NALF1: variants seen among roughly 807,000 people sequenced by gnomAD.
NALF1 encodes family with sequence similarity 155 member A.
A neutral mutation model predicts 48.4 loss-of-function variants in NALF1; 3 were observed. The ratio of observed to expected loss-of-function variants is 0.06; its 90% CI spans 0.03 to 0.16. NALF1 has a LOEUF of 0.16. NALF1 is among the 10% of genes least tolerant of loss of function. The pLI is 1.00. For missense variants in NALF1, 526 were observed against 571.5 expected, an observed-to-expected ratio of 0.92 and a Z score of 0.81; for synonymous variants, 262 against 245.7, an observed-to-expected ratio of 1.07 and a Z score of -0.62.
chr13:107,841,733 T>A (rs551430669), intron 1 of NALF1, among the ~76,000 whole-genome samples: 124 of 152,218 alleles, frequency 8.1e-4, no homozygotes, highest in African/African-American at 2.8e-3. Context: ...AGACTGTTTT[T>A]TACACTGCCG....
chr13:107,617,755 C>A (rs1026118858), intron 1 of NALF1, among the ~76,000 whole-genome samples: 2 of 152,116 alleles, frequency 1.3e-5, no homozygotes, highest in African/African-American at 4.8e-5. Context: ...GGAGTGCTGA[C>A]AATTTTTCCA....
chr13:107,287,692 CTTTT>C (rs10532023), intron 1 of NALF1, among the ~76,000 whole-genome samples: 11,313 of 140,302 alleles, frequency 0.081, 796 homozygotes, highest in East Asian at 0.34. Flanking sequence ...CTTTTCCTTT[CTTTT>C]CTTTTCTTTC....
intron 1 of NALF1, among the ~76,000 whole-genome samples, chr13:107,410,228 A>C (rs573712683): frequency 6.6e-6 from 1 of 152,166 alleles, no homozygotes; most frequent in African/African-American, 2.4e-5. Context: ...AACTGATTTA[A>C]ATTCTCTGTG....
chr13:107,237,562 C>T (rs1880378653), intron 1 of NALF1, among the ~76,000 whole-genome samples: 1 of 152,116 alleles, frequency 6.6e-6, no homozygotes, highest in African/African-American at 2.4e-5. Flanking sequence ...TAAATCATCT[C>T]TAGATTATTT....
At chr13:107,345,276 A>G (rs1300822033) in intron 1 of NALF1, among the ~76,000 whole-genome samples, 1 of 152,212 alleles carries the variant, frequency 6.6e-6, no homozygotes. Context: ...CAAAATCTCA[A>G]TTGCATTTTT....
At chr13:107,347,875 C>G (rs1450067993) in intron 1 of NALF1, among the ~76,000 whole-genome samples, 1 of 152,116 alleles carries the variant, frequency 6.6e-6, no homozygotes, top group East Asian at 1.9e-4. Context: ...TTTTAAGATG[C>G]GTGGGTATCA....
At chr13:107,631,194 C>A (rs537776578) in intron 1 of NALF1, among the ~76,000 whole-genome samples, 1 of 152,102 alleles carries the variant, frequency 6.6e-6, no homozygotes, top group East Asian at 1.9e-4. Context: ...GAAGAGGTCC[C>A]ACTTTGTTGC....
At chr13:107,197,651 G>A (rs543405582) in intron 2 of NALF1, among the ~76,000 whole-genome samples, 23 of 152,258 alleles carry the variant, frequency 1.5e-4, no homozygotes, top group African/African-American at 5.1e-4. Context: ...TAAACAACAT[G>A]GCACTCACCT....
intron 1 of NALF1, among the ~76,000 whole-genome samples, chr13:107,580,648 T>C (rs557233881): frequency 1.5e-4 from 23 of 152,356 alleles, no homozygotes; most frequent in Non-Finnish European, 3.1e-4. Flanking sequence ...AATGTTTTCT[T>C]GCTTGTGGCT....
intron 1 of NALF1, among the ~76,000 whole-genome samples, chr13:107,364,771 A>T (rs1319868550): frequency 7.5e-6 from 1 of 133,016 alleles, no homozygotes; most frequent in Non-Finnish European, 1.7e-5. Flanking sequence ...CATCTACCCC[A>T]AGCTCGTAAG....
At chr13:107,574,426 G>A (rs1259065286) in intron 1 of NALF1, among the ~76,000 whole-genome samples, 11 of 152,162 alleles carry the variant, frequency 7.2e-5, no homozygotes, top group Admixed American at 7.2e-4. Flanking sequence ...AGTTGCAGGA[G>A]AACAGAAGCT....
At chr13:107,423,720 C>T (rs1233516113) in intron 1 of NALF1, among the ~76,000 whole-genome samples, 2 of 152,076 alleles carry the variant, frequency 1.3e-5, no homozygotes, top group Non-Finnish European at 2.9e-5. Flanking sequence ...ACAATATTCT[C>T]ATACTGAATA....
chr13:107,297,044 T>C (rs963323052), intron 1 of NALF1, among the ~76,000 whole-genome samples: 2 of 152,000 alleles, frequency 1.3e-5, no homozygotes, highest in African/African-American at 4.8e-5. Flanking sequence ...TTATTTATTT[T>C]TTCATATTCT....
chr13:107,232,441 T>TC (rs1880246555), intron 1 of NALF1, among the ~76,000 whole-genome samples: 1 of 152,170 alleles, frequency 6.6e-6, no homozygotes, highest in South Asian at 2.1e-4. Flanking sequence ...AACAGATTCC[T>TC]CCTATCTCTA....
rs996718165 is a variant in NALF1, at chr13:107,856,065, G to A, written c.915+9617C>T. ...GACACAGGTATGCACCACCATGCCCGGCTAATTTTTAAAAATTTTCTTGTA... is the reference window on the plus strand; with the variant it reads ...GACACAGGTATGCACCACCATGCCCAGCTAATTTTTAAAAATTTTCTTGTA... On this transcript the variant is annotated intron_variant, in intron 1 of 2. Coordinates refer to ENST00000375915, the MANE Select transcript of NALF1 (RefSeq NM_001080396.3). 7.9e-5 allele frequency among the ~76,000 whole-genome samples: 12 copies of A among 152,050 alleles called. 1 individual carries two copies. Among genetic ancestry groups the A allele is most frequent in the African/African-American group, 2.4e-4 (10 of 41,468 alleles).
intron 1 of NALF1, among the ~76,000 whole-genome samples, chr13:107,610,772 C>A (rs1879204198): frequency 6.6e-6 from 1 of 152,136 alleles, no homozygotes; most frequent in African/African-American, 2.4e-5. Flanking sequence ...GAATGATAAA[C>A]CTACGTCCGT....
intron 1 of NALF1, among the ~76,000 whole-genome samples, chr13:107,490,445 G>C (rs1420871348): frequency 6.6e-6 from 1 of 152,118 alleles, no homozygotes; most frequent in Non-Finnish European, 1.5e-5. Flanking sequence ...CATTATCCTA[G>C]CAAACTAATA....
At position 107,687,763 on chromosome 13, in the gene NALF1, C is replaced by T. The variant is rs550636360; in HGVS notation, c.915+177919G>A. ...AAGTATCACCCACACAACATTTATA[C>T]TAAAAAGTGAAATAAAATTAGAAAT... On this transcript the variant is annotated intron_variant, in intron 1 of 2. Coordinates refer to ENST00000375915, the MANE Select transcript of NALF1 (RefSeq NM_001080396.3). Among the ~76,000 whole-genome samples, 8 of 152,206 alleles carry T rather than the reference C, an allele frequency of 5.3e-5. No individual in the cohort carries two copies. In the South Asian group the frequency reaches 1.0e-3, roughly 20 times the overall value.
intron 1 of NALF1, among the ~76,000 whole-genome samples, chr13:107,754,073 A>G (rs1399863839): frequency 6.6e-6 from 1 of 152,220 alleles, no homozygotes; most frequent in African/African-American, 2.4e-5. Flanking sequence ...CATGGGGAAT[A>G]AAAGAGAAAA....
Sources: allele counts gnomAD v4.1 joint callset (sites outside exome capture counted in the v4.1 genomes callset), GRCh38; gene constraint gnomAD v4.1.1; transcripts MANE v1.5; gene names NCBI Gene and HGNC (gene_info 2026-07-23, HGNC 2026-07-21).